Variants in LUZP2 observed in about 807,000 individuals in gnomAD.
LUZP2 encodes leucine zipper protein 2.
A neutral mutation model predicts 51.6 loss-of-function variants in LUZP2; 52 were observed. The ratio of observed to expected loss-of-function variants is 1.01; its 90% CI spans 0.81 to 1.27. LUZP2 has a LOEUF of 1.27. LUZP2 is among the 50% of genes most tolerant of loss of function. The probability of loss-of-function intolerance (pLI) is 0.00; values close to 1 mark genes in which losing one functional copy is unlikely to be tolerated. For synonymous variants in LUZP2, 154 were observed against 137.3 expected (o/e 1.12, Z -0.85); for missense variants, 436 against 395.4 (o/e 1.10, Z -0.87).
chr11:24,974,110 G>C (rs1025603734), intron 7 of LUZP2, among the ~76,000 whole-genome samples: 2 of 151,942 alleles, frequency 1.3e-5, no homozygotes, highest in African/African-American at 4.8e-5. Flanking sequence ...TAATAATCTG[G>C]GTGCTCCTGT....
intron 7 of LUZP2, among the ~76,000 whole-genome samples, chr11:24,972,511 G>A (rs907264772): frequency 1.1e-4 from 16 of 152,074 alleles, no homozygotes; most frequent in Admixed American, 5.2e-4. Flanking sequence ...CAATTTCAAT[G>A]TGAACTCCAG....
intron 1 of LUZP2, among the ~76,000 whole-genome samples, chr11:24,526,891 A>G (rs1412668441): frequency 6.6e-6 from 1 of 151,318 alleles, no homozygotes; most frequent in African/African-American, 2.4e-5. Context: ...ATACTTAAAG[A>G]GTTCATACTC....
intron 9 of LUZP2, among the ~76,000 whole-genome samples, chr11:25,039,818 C>T (rs534395108): frequency 6.6e-6 from 1 of 152,212 alleles, no homozygotes; most frequent in East Asian, 1.9e-4. Context: ...TCTCTATTCC[C>T]TGAGAAGAGA....
chr11:24,682,871 G>T (rs943801999), intron 1 of LUZP2, among the ~76,000 whole-genome samples: 1 of 151,950 alleles, frequency 6.6e-6, no homozygotes, highest in Non-Finnish European at 1.5e-5. Context: ...GGGCGTGATG[G>T]CGCGTGCCTC....
chr11:24,810,264 C>T (rs1849980057), intron 5 of LUZP2, among the ~76,000 whole-genome samples: 1 of 151,870 alleles, frequency 6.6e-6, no homozygotes, highest in Admixed American at 6.6e-5. Flanking sequence ...ATATATTTAC[C>T]CAGATTACTG....
At chr11:24,846,807 TTCTC>T (rs147121232) in intron 5 of LUZP2, among the ~76,000 whole-genome samples, 2,069 of 152,148 alleles carry the variant, frequency 0.014, 50 homozygotes, top group East Asian at 0.13. Context: ...CTCTTTTTCT[TTCTC>T]TCTGTCTCCC....
In LUZP2 at chr11:25,024,702, C is replaced by T. The variant is rs182179847; in HGVS notation, c.766-25336C>T. ...TCATGGATAGGAAGAATCAATATTG[C>T]GAAAATGGCCAAACTGCCCAAGGTA... On this transcript the variant is annotated intron_variant, in intron 9 of 11. Transcript: ENST00000336930. Among the ~76,000 whole-genome samples, 86 of 151,984 alleles carry T rather than the reference C, an allele frequency of 5.7e-4. 1 individual carries two copies. The East Asian group carries it at 8.9e-3, about 16-fold the overall frequency.
chr11:24,531,630 T>C (rs78123393), intron 1 of LUZP2, among the ~76,000 whole-genome samples: 1,537 of 151,018 alleles, frequency 0.01, 29 homozygotes, highest in African/African-American at 0.035. Context: ...TACTCTCTAC[T>C]TCTGTGAGTA....
intron 5 of LUZP2, among the ~76,000 whole-genome samples, chr11:24,864,353 G>A (rs1457508538): frequency 6.6e-6 from 1 of 152,244 alleles, no homozygotes; most frequent in South Asian, 2.1e-4. Context: ...AGAGAAATAA[G>A]GGATTTTTTG....
In LUZP2 at chr11:24,919,658, A is replaced by G. The variant is rs923712006; in HGVS notation, c.522+5120A>G. On this transcript the variant is annotated intron_variant, in intron 7 of 11. Transcript: ENST00000336930. The stretch of plus-strand genomic sequence containing the variant: ...CACTTATGTGTAGGTATGTTTATAC[A>G]TGCATACATATATATATAATGATTT... Among the ~76,000 whole-genome samples the G allele has an allele frequency of 1.1e-3, 163 of 149,054 alleles. 3 individuals are homozygous for G. The highest frequency in any genetic ancestry group is 3.3e-3 in the African/African-American group (134 of 41,038).
At chr11:25,074,084 C>T (rs1378641772) in intron 10 of LUZP2, among the ~76,000 whole-genome samples, 3 of 152,134 alleles carry the variant, frequency 2.0e-5, no homozygotes, top group East Asian at 1.9e-4. Context: ...TTTTATACTA[C>T]AACATTGGAA....
chr11:24,786,353 A>G, intron 5 of LUZP2: 1 of 982,498 alleles, frequency 1.0e-6, no homozygotes, highest in Non-Finnish European at 1.2e-6. Context: ...GGCATATCTA[A>G]TAAATACATT....
At chr11:24,622,015 A>G (rs1000297263) in intron 1 of LUZP2, among the ~76,000 whole-genome samples, 1 of 151,546 alleles carries the variant, frequency 6.6e-6, no homozygotes, top group Non-Finnish European at 1.5e-5. Context: ...GTCTCAGCTC[A>G]CTGCAGCCTC....
rs1165987471 is a variant in LUZP2 at position 24,976,625 on chromosome 11, C to T, written c.557C>T (p.Ala186Val). Residue 186 changes from alanine (A) to valine (V), a missense_variant, in exon 8 of 12, where the codon GCT becomes GTT. By Grantham distance (64) the Ala-to-Val change is moderately conservative. Coordinates refer to ENST00000336930, the MANE Select transcript of LUZP2 (RefSeq NM_001009909.4). ...QQLTDLEQKL[A>V]VAKNELEKAA... is the part of the protein sequence containing the mutation. The stretch of plus-strand genomic sequence containing the variant: ...CTTACTGATCTGGAACAAAAATTAG[C>T]TGTAGCCAAAAATGAACTGGAGAAA... 3.2e-6 allele frequency: 5 copies of T among 1,584,280 alleles called. No individual in the cohort carries two copies. Among genetic ancestry groups the T allele is most frequent in the Middle Eastern group, 1.7e-4 (1 of 5,928 alleles).
intron 1 of LUZP2, 103 bp from the exon 2 acceptor site, chr11:24,729,066 T>C (rs933756236): frequency 1.9e-6 from 1 of 537,228 alleles, no homozygotes; most frequent in Non-Finnish European, 3.2e-6. Flanking sequence ...TAATTGAGGT[T>C]TTAACTTCTC....
At chr11:24,562,688 C>A (rs1320454003) in intron 1 of LUZP2, among the ~76,000 whole-genome samples, 5 of 118,976 alleles carry the variant, frequency 4.2e-5, no homozygotes, top group South Asian at 2.6e-4. Flanking sequence ...CCCGTCTCTA[C>A]TGAAAAAATA....
intron 5 of LUZP2, among the ~76,000 whole-genome samples, chr11:24,839,637 T>C (rs1284799703): frequency 6.6e-6 from 1 of 151,680 alleles, no homozygotes; most frequent in East Asian, 1.9e-4. Context: ...GCCTGATGAC[T>C]TATCTCTTCA....
At chr11:25,018,820 C>T (rs1857242377) in intron 9 of LUZP2, among the ~76,000 whole-genome samples, 1 of 152,016 alleles carries the variant, frequency 6.6e-6, no homozygotes, top group Admixed American at 6.6e-5. Flanking sequence ...GTTGGCCAGG[C>T]TTGCCTTGAA....
chr11:24,919,020 CTATATATCCATAATATGTATTAT>C (rs1853912578), intron 7 of LUZP2, among the ~76,000 whole-genome samples: 10 of 7,732 alleles, frequency 1.3e-3, no homozygotes, highest in African/African-American at 2.6e-3. Flanking sequence ...GTTATATATA[CTATATATCCATAATATGTATTAT>C]ATATAGTTAT....
Sources: gnomAD v4.1 joint callset for allele counts (sites outside exome capture counted in the v4.1 genomes callset) on GRCh38, gnomAD v4.1.1 for gene constraint, MANE v1.5 for transcripts, NCBI Gene and HGNC (gene_info 2026-07-23, HGNC 2026-07-21) for gene names.